RIT2: variants seen among roughly 807,000 people sequenced by gnomAD.
The protein encoded by RIT2 is Ras like without CAAX 2, also known as GTP-binding protein Rit2.
Under a neutral mutation model 23.7 loss-of-function variants are expected in RIT2, and 24 were observed. The observed-to-expected ratio is 1.01, with a 90% CI of 0.73 to 1.43. The LOEUF is 1.43. Among genes scored for constraint, RIT2 ranks in the 40% most tolerant of loss-of-function variants. The probability of loss-of-function intolerance (pLI) is 0.00; values close to 1 mark genes in which losing one functional copy is unlikely to be tolerated. For synonymous variants in RIT2, 107 were observed against 91.1 expected, an observed-to-expected ratio of 1.17 and a Z score of -0.99; for missense variants, 236 against 266.9, an observed-to-expected ratio of 0.88 and a Z score of 0.81.
chr18:42,877,912 A>G (rs1475695182), intron 4 of RIT2, among the ~76,000 whole-genome samples: 1 of 151,864 alleles, frequency 6.6e-6, no homozygotes, highest in Non-Finnish European at 1.5e-5. Flanking sequence ...ATGTCTCTTG[A>G]GTTGCAAGAA....
chr18:42,982,227 GC>G (rs1910614136), intron 2 of RIT2, among the ~76,000 whole-genome samples: 1 of 152,168 alleles, frequency 6.6e-6, no homozygotes, highest in South Asian at 2.1e-4. Flanking sequence ...AGGCTGGTGA[GC>G]CTGGAGTTCT....
chr18:43,047,409 G>A (rs1023015437), intron 1 of RIT2, among the ~76,000 whole-genome samples: 3 of 151,924 alleles, frequency 2.0e-5, no homozygotes, highest in Non-Finnish European at 2.9e-5. Context: ...AATCAATAAA[G>A]TTTTAGTAAA....
At chr18:42,867,990 T>C (rs1180360886) in intron 4 of RIT2, among the ~76,000 whole-genome samples, 3 of 152,152 alleles carry the variant, frequency 2.0e-5, no homozygotes, top group African/African-American at 2.4e-5. Context: ...CTGAAAACCA[T>C]TGCCTTACTT....
At chr18:43,027,960 A>G (rs2144276470) in intron 2 of RIT2, among the ~76,000 whole-genome samples, 1 of 152,208 alleles carries the variant, frequency 6.6e-6, no homozygotes, top group Middle Eastern at 3.4e-3. Flanking sequence ...GTATTCCACA[A>G]ATGTTTTGAT....
chr18:42,998,559 T>TA (rs1911037812), intron 2 of RIT2, among the ~76,000 whole-genome samples: 4 of 152,166 alleles, frequency 2.6e-5, no homozygotes, highest in Middle Eastern at 6.8e-3. Flanking sequence ...GATTTTTTTT[T>TA]AAAAAGATCC....
At chr18:42,900,213 AT>A (rs1209746444) in intron 4 of RIT2, among the ~76,000 whole-genome samples, 11 of 152,048 alleles carry the variant, frequency 7.2e-5, no homozygotes, top group African/African-American at 2.7e-4. Flanking sequence ...TTTTGAAGAA[AT>A]TTCTGCTTCT....
intron 2 of RIT2, among the ~76,000 whole-genome samples, chr18:42,986,128 C>T (rs1236595306): frequency 1.3e-5 from 2 of 151,102 alleles, no homozygotes; most frequent in Non-Finnish European, 2.9e-5. Flanking sequence ...CAACTTCTGC[C>T]TCCTGGGTTC....
At chr18:43,033,340 C>T (rs1448106446) in intron 2 of RIT2, among the ~76,000 whole-genome samples, 1 of 152,206 alleles carries the variant, frequency 6.6e-6, no homozygotes, top group Non-Finnish European at 1.5e-5. Flanking sequence ...GTTTCCTAAC[C>T]TTCAAGATGA....
At chr18:42,920,341 G>T (rs1423039834) in intron 4 of RIT2, among the ~76,000 whole-genome samples, 1 of 152,158 alleles carries the variant, frequency 6.6e-6, no homozygotes, top group Non-Finnish European at 1.5e-5. Context: ...GTGTGACCTT[G>T]AACAAGTTAT....
chr18:42,955,495 AG>A (rs1909950431), intron 3 of RIT2, among the ~76,000 whole-genome samples: 3 of 152,182 alleles, frequency 2.0e-5, no homozygotes, highest in Admixed American at 2.0e-4. Context: ...CTGTCAGGTT[AG>A]GACTTAAAAG....
At chr18:42,960,959 A>C (rs1910082169) in intron 3 of RIT2, among the ~76,000 whole-genome samples, 1 of 152,082 alleles carries the variant, frequency 6.6e-6, no homozygotes, top group South Asian at 2.1e-4. Flanking sequence ...TTTAATGGTT[A>C]ATTTTTTTGT....
chr18:43,078,528 A>G (rs1281632534), intron 1 of RIT2, among the ~76,000 whole-genome samples: 2 of 152,214 alleles, frequency 1.3e-5, no homozygotes, highest in Non-Finnish European at 2.9e-5. Context: ...ACCTCTAAGT[A>G]GTCCATAAGT....
Position 43,027,917 on chromosome 18 carries a change from A to T in RIT2, c.160+5894T>A, listed in dbSNP as rs191831012. ...GAAATCTAACTTAGATAACAGGGGA[A>T]AAAAATGTCACTGAAGTTGCTCATG... On this transcript the variant is annotated intron_variant, in intron 2 of 4. Transcript: ENST00000326695. 5.5e-4 allele frequency among the ~76,000 whole-genome samples: 83 copies of T among 152,200 alleles called. No individual in the cohort carries two copies. In the East Asian group the frequency reaches 8.3e-3, roughly 15 times the overall value.
At chr18:43,031,973 A>G (rs1249187310) in intron 2 of RIT2, among the ~76,000 whole-genome samples, 1 of 152,088 alleles carries the variant, frequency 6.6e-6, no homozygotes. Context: ...AAGGTAAATT[A>G]TTTCAGACTT....
rs1002493230 is a variant in RIT2, at chr18:42,754,176, G to A, written c.427-10456C>T. The stretch of plus-strand genomic sequence containing the variant: ...ACTTCTTAGCACGTCCCTCTTTTAG[G>A]AGGGATTATGTTGGGGCCTCCTTCT... On this transcript the variant is annotated intron_variant, in intron 4 of 4. Coordinates refer to ENST00000326695, the MANE Select transcript of RIT2 (RefSeq NM_002930.4). 5.3e-5 allele frequency among the ~76,000 whole-genome samples: 8 copies of A among 152,270 alleles called. No individual in the cohort carries two copies. In the East Asian group the frequency reaches 1.5e-3, roughly 29 times the overall value.
At chr18:42,965,706 G>A (rs896094111) in intron 3 of RIT2, among the ~76,000 whole-genome samples, 5 of 98,758 alleles carry the variant, frequency 5.1e-5, no homozygotes, top group African/African-American at 2.0e-4. Flanking sequence ...GATGTGTACT[G>A]ATGGCTTTTT....
chr18:42,820,944 T>A (rs1906131102), intron 4 of RIT2, among the ~76,000 whole-genome samples: 1 of 152,106 alleles, frequency 6.6e-6, no homozygotes, highest in Admixed American at 6.6e-5. Context: ...ACTCTCCCCA[T>A]GGTATTGAAT....
chr18:42,803,252 T>C (rs1905591539), intron 4 of RIT2, among the ~76,000 whole-genome samples: 1 of 152,246 alleles, frequency 6.6e-6, no homozygotes, highest in South Asian at 2.1e-4. Context: ...AAACTGAATA[T>C]GCCAAATTTT....
chr18:42,869,817 C>A (rs550325577), intron 4 of RIT2, among the ~76,000 whole-genome samples: 1 of 152,232 alleles, frequency 6.6e-6, no homozygotes, highest in Non-Finnish European at 1.5e-5. Context: ...TATGTGTTTT[C>A]TTTAAACTAG....
Sources: gnomAD v4.1 joint callset for allele counts (sites outside exome capture counted in the v4.1 genomes callset) on GRCh38, gnomAD v4.1.1 for gene constraint, MANE v1.5 for transcripts, NCBI Gene and HGNC (gene_info 2026-07-23, HGNC 2026-07-21) for gene names.